ARFGEF3: variants seen among roughly 807,000 people sequenced by gnomAD.
ARFGEF3 encodes the protein brefeldin A-inhibited guanine nucleotide-exchange protein 3.
Under a neutral mutation model 221.7 loss-of-function variants are expected in ARFGEF3, and 96 were observed. The ratio of observed to expected loss-of-function variants is 0.43; its 90% CI spans 0.37 to 0.51. The LOEUF (loss-of-function observed/expected upper bound fraction) is 0.51, where lower values mean the gene tolerates loss of function less well. Among genes scored for constraint, ARFGEF3 ranks in the 20% least tolerant of loss-of-function variants. The probability of loss-of-function intolerance (pLI) is 0.00; values close to 1 mark genes in which losing one functional copy is unlikely to be tolerated. For synonymous variants in ARFGEF3, 1,145 were observed against 1,126.8 expected (o/e 1.02, Z -0.32); for missense variants, 2,410 against 2,789.9 (o/e 0.86, Z 3.07).
intron 3 of ARFGEF3, among the ~76,000 whole-genome samples, chr6:138,209,358 G>C (rs564965589): frequency 6.6e-6 from 1 of 152,128 alleles, no homozygotes; most frequent in African/African-American, 2.4e-5. Context: ...TTGTATGGCC[G>C]GCACATTAGG....
intron 4 of ARFGEF3, among the ~76,000 whole-genome samples, chr6:138,212,847 C>A (rs1032103273): frequency 6.6e-6 from 1 of 151,966 alleles, no homozygotes; most frequent in African/African-American, 2.4e-5. Flanking sequence ...GGACACAAGG[C>A]GGGGAACATC....
intron 20 of ARFGEF3, among the ~76,000 whole-genome samples, chr6:138,295,235 C>CA (rs1032696405): frequency 4.6e-5 from 7 of 152,170 alleles, no homozygotes; most frequent in Non-Finnish European, 8.8e-5. Context: ...CTCCAACACT[C>CA]ACCAGCCACA....
intron 31 of ARFGEF3, 45 bp downstream of exon 31, chr6:138,324,199 G>A (rs1437774487): frequency 2.5e-6 from 4 of 1,587,318 alleles, no homozygotes; most frequent in East Asian, 2.3e-5. Flanking sequence ...GAAACTCGAA[G>A]TGCATGTTGG....
Position 138,162,207 on chromosome 6 carries a change from G to A in ARFGEF3, c.85+36G>A. 1 of 1,535,510 alleles carries A rather than the reference G, an allele frequency of 6.5e-7. No individual in the cohort carries two copies. The highest frequency in any genetic ancestry group is 8.9e-7 in the Non-Finnish European group (1 of 1,124,830). Reference sequence around the variant, plus strand: ...GGCACCTGCTCGCCGCGGCGGGAGGGCCGCGCGGCCGGGGCTGAACCCGCG... The same window carrying A: ...GGCACCTGCTCGCCGCGGCGGGAGGACCGCGCGGCCGGGGCTGAACCCGCG... On this transcript the variant is annotated intron_variant, in intron 1 of 33. Transcript: ENST00000251691. This position sits in a 1 kb window ranked among gnomAD's most constrained non-coding sequence, Gnocchi z 4.7.
At chr6:138,191,007 A>G (rs1252507560) in intron 2 of ARFGEF3, among the ~76,000 whole-genome samples, 5 of 152,166 alleles carry the variant, frequency 3.3e-5, no homozygotes, top group African/African-American at 1.2e-4. Flanking sequence ...CCATGACTCC[A>G]GGAGCTTCAT....
intron 2 of ARFGEF3, among the ~76,000 whole-genome samples, chr6:138,187,789 C>T (rs1777215034): frequency 6.6e-6 from 1 of 152,196 alleles, no homozygotes; most frequent in Non-Finnish European, 1.5e-5. Flanking sequence ...CTGTAGCCCA[C>T]CTCAGCATCC....
At chr6:138,200,164 ATGGT>A (rs1442717122) in intron 2 of ARFGEF3, among the ~76,000 whole-genome samples, 2 of 152,156 alleles carry the variant, frequency 1.3e-5, no homozygotes, top group East Asian at 3.8e-4. Flanking sequence ...TTCTGTTTAT[ATGGT>A]ATATCACATT....
Position 138,287,103 on chromosome 6 carries a change from G to T in ARFGEF3, c.2815G>T (p.Ala939Ser). The change falls in exon 17 of 34, where the codon GCC becomes TCC. Residue 939 changes from alanine to serine, a missense_variant. By Grantham distance (99) the Ala-to-Ser change is moderately conservative (BLOSUM62 1). Around this residue, in one of 5 missense-constraint regions of ARFGEF3, gnomAD observed 594 missense variants for 734.3 expected, o/e 0.81. Transcript: ENST00000251691. ...GVAANCASAL[A>S]QMAAASCVQE... ...TGCTGCTAACTGCGCCTCAGCCCTT[G>T]CCCAGATGGCAGCTGCCTCCTGTGT... is the stretch of plus-strand genomic sequence containing the variant. 2.5e-6 allele frequency: 4 copies of T among 1,576,918 alleles called. No homozygotes were observed. Among genetic ancestry groups the T allele is most frequent in the Non-Finnish European group, 3.4e-6 (4 of 1,160,710 alleles).
chr6:138,247,412 G>A (rs141441104), intron 8 of ARFGEF3, among the ~76,000 whole-genome samples: 18 of 152,144 alleles, frequency 1.2e-4, no homozygotes, highest in Non-Finnish European at 1.5e-5. Flanking sequence ...AAGGTGTTCT[G>A]GTTTGGATAG....
At chr6:138,290,292 A>G (rs938744440) in intron 18 of ARFGEF3, among the ~76,000 whole-genome samples, 3 of 152,228 alleles carry the variant, frequency 2.0e-5, no homozygotes, top group Non-Finnish European at 4.4e-5. Context: ...TACTGTGCAA[A>G]TCTAAAACTG....
At chr6:138,168,362 G>T (rs1467744222) in intron 1 of ARFGEF3, among the ~76,000 whole-genome samples, 1 of 152,182 alleles carries the variant, frequency 6.6e-6, no homozygotes, top group African/African-American at 2.4e-5. Context: ...CTCCTAGTTG[G>T]GAAAACATCT....
chr6:138,183,843 A>C (rs1226534913), intron 2 of ARFGEF3, among the ~76,000 whole-genome samples: 1 of 152,168 alleles, frequency 6.6e-6, no homozygotes, highest in Admixed American at 6.5e-5. Flanking sequence ...CCCCAGTGTG[A>C]CAGGTCTGAA....
intron 7 of ARFGEF3, 33 bp from the exon 8 acceptor site, chr6:138,245,480 T>A (rs769209154): frequency 1.3e-6 from 2 of 1,515,480 alleles, no homozygotes; most frequent in Non-Finnish European, 1.8e-6. Flanking sequence ...CCCCTGTCGA[T>A]GTCTCATGCC....
intron 8 of ARFGEF3, among the ~76,000 whole-genome samples, chr6:138,247,685 A>T (rs1583030656): frequency 6.6e-6 from 1 of 152,260 alleles, no homozygotes; most frequent in African/African-American, 2.4e-5. Context: ...TTGGACAAAG[A>T]TCTGAACCAC....
chr6:138,191,583 C>T (rs1387527039), intron 2 of ARFGEF3, among the ~76,000 whole-genome samples: 2 of 152,114 alleles, frequency 1.3e-5, no homozygotes, highest in African/African-American at 4.8e-5. Context: ...AAGTTTCATC[C>T]ACTTCCAAGT....
At chr6:138,165,975 C>T (rs1776716070) in intron 1 of ARFGEF3, among the ~76,000 whole-genome samples, 1 of 152,196 alleles carries the variant, frequency 6.6e-6, no homozygotes, top group African/African-American at 2.4e-5. Flanking sequence ...AGTAGAATAA[C>T]TGGTTTAGGC....
chr6:138,286,063 T>G lies in ARFGEF3; in HGVS notation c.2569+10T>G. 6.6e-7 allele frequency: 1 copy of G among 1,518,598 alleles called. No homozygotes were observed. Among genetic ancestry groups the G allele is most frequent in the South Asian group, 1.1e-5 (1 of 89,308 alleles). The allele number at this position is 1,518,598 out of a possible 1,614,324, so 94.1% of individuals were successfully genotyped here. ...GACTCCACAGTGGCAGGTAATGACT[T>G]GGGTCTTGAGTTTATGAACATCCAT... is the stretch of plus-strand genomic sequence containing the variant. On this transcript the variant is annotated intron_variant, in intron 15 of 33. Transcript: ENST00000251691.
intron 2 of ARFGEF3, among the ~76,000 whole-genome samples, chr6:138,175,152 A>G (rs1358433668): frequency 6.6e-6 from 1 of 152,208 alleles, no homozygotes; most frequent in Non-Finnish European, 1.5e-5. Context: ...TGATGTGGTG[A>G]GCAACAAGGG....
chr6:138,293,215 T>A (rs1779446059), intron 19 of ARFGEF3, among the ~76,000 whole-genome samples: 1 of 152,188 alleles, frequency 6.6e-6, no homozygotes, highest in Non-Finnish European at 1.5e-5. Flanking sequence ...GGAGGGCAGA[T>A]AGCAGGGTGA....
Sources: allele counts gnomAD v4.1 joint callset (sites outside exome capture counted in the v4.1 genomes callset), GRCh38; gene constraint gnomAD v4.1.1; regional missense constraint gnomAD v4.1.1; non-coding constraint Gnocchi (gnomAD v3.1); transcripts MANE v1.5; gene names NCBI Gene and HGNC (gene_info 2026-07-23, HGNC 2026-07-21).